CLEC9A: variants seen among roughly 807,000 people sequenced by gnomAD.
CLEC9A encodes the protein C-type lectin domain containing 9A.
Under a neutral mutation model 30.0 loss-of-function variants are expected in CLEC9A, and 24 were observed. That is an observed-to-expected ratio of 0.80 (90% CI 0.58 to 1.13). The LOEUF (loss-of-function observed/expected upper bound fraction) is 1.13, where lower values mean the gene tolerates loss of function less well. Ranked by LOEUF, CLEC9A falls within the 50% of genes most tolerant of loss-of-function variation. CLEC9A has a pLI of 0.00. For synonymous variants in CLEC9A, 111 were observed against 96.8 expected (o/e 1.15, Z -0.86); for missense variants, 251 against 280.9 (o/e 0.89, Z 0.76).
chr12:10,058,137 C>T (rs61459404), intron 5 of CLEC9A, among the ~76,000 whole-genome samples: 1 of 152,072 alleles, frequency 6.6e-6, no homozygotes, highest in Non-Finnish European at 1.5e-5. Flanking sequence ...TTCCCTTTCT[C>T]CAGTTTTATT....
At chr12:10,064,900 G>A (rs765093501) in intron 8 of CLEC9A, 47 bp downstream of exon 8, 2 of 1,586,430 alleles carry the variant, frequency 1.3e-6, no homozygotes, top group Non-Finnish European at 1.7e-6. Flanking sequence ...AAACATGAGG[G>A]AATTCAAAAG....
In CLEC9A at chr12:10,052,745, T is replaced by TA. The variant is rs770832581; in HGVS notation, c.59dup (p.Tyr20Ter). Residue 20 changes from tyrosine to a stop codon, truncating the protein, a stop_gained and frameshift_variant, in exon 4 of 9, where the codon TAC (tyrosine) becomes TAAC (stop). Transcript: ENST00000355819. LOFTEE classifies it high-confidence loss of function. The part of the protein sequence containing the change: ...LQWDSPAPDT[Y>*]QKCLSSNKCS... ...GTGGGATAGCCCAGCACCAGACACT[T>TA]ACCAGAAATGTCTGTCTTCCAACAA... 1 of 1,613,800 alleles carries TA rather than the reference T, an allele frequency of 6.2e-7. No individual in the cohort carries two copies. The highest frequency in any genetic ancestry group is 2.2e-5 in the East Asian group (1 of 44,858).
intron 6 of CLEC9A, 29 bp downstream of exon 6, chr12:10,061,302 A>G (rs759089597): frequency 6.3e-7 from 1 of 1,576,498 alleles, no homozygotes; most frequent in South Asian, 1.2e-5. Flanking sequence ...TTTCCACTGT[A>G]TACATCTAAA....
chr12:10,052,090 A>G lies in CLEC9A; in HGVS notation c.-63A>G, dbSNP rs1009508670. ...TAACTAGGATTCCTGGAGCTAAAAC[A>G]TTATGTAAGATGCAAACTTTTATTG... On this transcript the variant is annotated 5_prime_UTR_variant, in exon 3 of 9. Transcript: ENST00000355819. 3 of 152,222 alleles carry G rather than the reference A, an allele frequency of 2.0e-5. No homozygotes were observed. The highest frequency in any genetic ancestry group is 7.2e-5 in the African/African-American group (3 of 41,448). 9.4% of individuals were successfully genotyped at this position (152,222 alleles called of 1,614,324 possible).
Position 10,039,948 on chromosome 12 carries a change from G to A in CLEC9A, c.-317-1518G>A, listed in dbSNP as rs147001937. 6.3e-3 allele frequency among the ~76,000 whole-genome samples: 963 copies of A among 152,054 alleles called. 6 individuals are homozygous for A. Among genetic ancestry groups the A allele is most frequent in the African/African-American group, 0.021 (864 of 41,426 alleles). ...AGAGATTCTCATGCCTTAGCCTCCC[G>A]AGTAGCTGGCATTACAGGTGTGCAC... On this transcript the variant is annotated intron_variant, in intron 1 of 8. Coordinates refer to ENST00000355819, the MANE Select transcript of CLEC9A (RefSeq NM_207345.4).
chr12:10,039,595 T>C (rs560982982), intron 1 of CLEC9A, among the ~76,000 whole-genome samples: 3 of 152,334 alleles, frequency 2.0e-5, no homozygotes, highest in Admixed American at 6.5e-5. Context: ...GAAATCTTTC[T>C]CATTCTATTC....
At chr12:10,036,018 C>T (rs1026200078) in intron 1 of CLEC9A, among the ~76,000 whole-genome samples, 32 of 152,204 alleles carry the variant, frequency 2.1e-4, no homozygotes, top group African/African-American at 7.2e-4. Context: ...GCAATATTTA[C>T]CTTTCCTTCA....
At chr12:10,033,803 C>T (rs1017147544) in intron 1 of CLEC9A, among the ~76,000 whole-genome samples, 6 of 152,022 alleles carry the variant, frequency 3.9e-5, no homozygotes, top group African/African-American at 1.2e-4. Context: ...TTTCAGAGGA[C>T]ACTTTTAAAG....
chr12:10,044,897 A>T (rs1393495994), intron 2 of CLEC9A, among the ~76,000 whole-genome samples: 1 of 152,254 alleles, frequency 6.6e-6, no homozygotes, highest in Non-Finnish European at 1.5e-5. Flanking sequence ...TATATGCCAA[A>T]TAAACTAATA....
rs942218025 is a variant in CLEC9A, at chr12:10,052,062, CACTA to C, written c.-86_-83del. 2.0e-5 allele frequency: 3 copies of C among 152,218 alleles called. No homozygotes were observed. The highest frequency in any genetic ancestry group is 4.8e-5 in the African/African-American group (2 of 41,462). 9.4% of individuals were successfully genotyped at this position (152,218 alleles called of 1,614,324 possible). On this transcript the variant is annotated 5_prime_UTR_variant, in exon 3 of 9. An upstream open reading frame in the 5' UTR loses its in-frame stop. Coordinates refer to ENST00000355819, the MANE Select transcript of CLEC9A (RefSeq NM_207345.4). ...CAAGTCTCATTTGGAGGAATGCTAT[CACTA>C]ACTAGGATTCCTGGAGCTAAAACAT...
chr12:10,047,882 A>G (rs1865859464), intron 2 of CLEC9A, among the ~76,000 whole-genome samples: 1 of 152,112 alleles, frequency 6.6e-6, no homozygotes. Flanking sequence ...ATGCTGACTG[A>G]TCAGAGTGGT....
At chr12:10,048,988 A>T (rs1460051023) in intron 2 of CLEC9A, among the ~76,000 whole-genome samples, 3 of 152,212 alleles carry the variant, frequency 2.0e-5, no homozygotes. Context: ...TTTATTTCTT[A>T]AAGAATAAGA....
At chr12:10,056,368 T>C (rs1026226743) in intron 5 of CLEC9A, among the ~76,000 whole-genome samples, 6 of 152,218 alleles carry the variant, frequency 3.9e-5, no homozygotes, top group African/African-American at 1.4e-4. Flanking sequence ...TACAATAGAA[T>C]ACCTTGAAGC....
At chr12:10,051,890 A>C (rs1266508976) in intron 2 of CLEC9A, 101 bp from the exon 3 acceptor site, 1 of 152,232 alleles carries the variant, frequency 6.6e-6, no homozygotes, top group African/African-American at 2.4e-5. Context: ...TATGTCCAAA[A>C]GTGGGCATGC....
chr12:10,051,234 A>G (rs1865890330), intron 2 of CLEC9A, among the ~76,000 whole-genome samples: 1 of 152,038 alleles, frequency 6.6e-6, no homozygotes, highest in Non-Finnish European at 1.5e-5. Flanking sequence ...TAAATAAATT[A>G]AATAAATAAA....
At chr12:10,035,577 G>T (rs1028395464) in intron 1 of CLEC9A, among the ~76,000 whole-genome samples, 2 of 152,158 alleles carry the variant, frequency 1.3e-5, no homozygotes, top group African/African-American at 4.8e-5. Context: ...TAATCGCACT[G>T]AGTAGATTAG....
chr12:10,035,868 G>A (rs956589023), intron 1 of CLEC9A, among the ~76,000 whole-genome samples: 16 of 152,196 alleles, frequency 1.1e-4, no homozygotes, highest in Non-Finnish European at 2.1e-4. Flanking sequence ...GCCTCCAAAA[G>A]TATTGGGATT....
chr12:10,041,621 G>C lies in CLEC9A; in HGVS notation c.-163+1G>C. The C allele has an allele frequency of 1.9e-6, 1 of 530,682 alleles. No individual in the cohort carries two copies. Among genetic ancestry groups the C allele is most frequent in the Non-Finnish European group, 3.8e-6 (1 of 262,068 alleles). 32.9% of individuals were successfully genotyped at this position (530,682 alleles called of 1,614,324 possible). ...GAAGACTGACAACCAGAACATTCTG[G>C]TAAGAAGATTCTTATGTCAAATATT... On this transcript the variant is annotated splice_donor_variant, in intron 2 of 8. Coordinates refer to ENST00000355819, the MANE Select transcript of CLEC9A (RefSeq NM_207345.4). LOFTEE classifies it low-confidence loss of function (5UTR_SPLICE).
chr12:10,041,713 A>G (rs1865799385), intron 2 of CLEC9A, 93 bp downstream of exon 2: 2 of 482,256 alleles, frequency 4.1e-6, no homozygotes, highest in Non-Finnish European at 8.3e-6. Flanking sequence ...ATTTTTCTTA[A>G]CATCTTTCAG....
Sources: allele counts gnomAD v4.1 joint callset (sites outside exome capture counted in the v4.1 genomes callset), GRCh38; gene constraint gnomAD v4.1.1; transcripts MANE v1.5; gene names NCBI Gene and HGNC (gene_info 2026-07-23, HGNC 2026-07-21).